Variants in RUNDC3A observed in about 807,000 individuals in gnomAD.
RUNDC3A encodes the protein RUN domain containing 3A.
Under a neutral mutation model 53.9 loss-of-function variants are expected in RUNDC3A, and 28 were observed. That is an observed-to-expected ratio of 0.52 (90% CI 0.38 to 0.71). The LOEUF (loss-of-function observed/expected upper bound fraction) is 0.71, where lower values mean the gene tolerates loss of function less well. Ranked by LOEUF, RUNDC3A falls within the 30% of genes least tolerant of loss-of-function variation. The pLI, the probability that RUNDC3A is intolerant of heterozygous loss-of-function variation, is 0.00. For missense variants in RUNDC3A, 491 were observed against 597.3 expected (o/e 0.82, Z 1.85); for synonymous variants, 232 against 249.4 (o/e 0.93, Z 0.66).
chr17:44,318,149 C>T lies in RUNDC3A; in HGVS notation c.1252C>T (p.Pro418Ser), dbSNP rs2047911638. Reference protein sequence around the residue: ...LGLCGSLASIPSCKSLASFKS... With the variant: ...LGLCGSLASISSCKSLASFKS... Reference sequence around the variant, plus strand: ...CCTCTGCGGCTCCCTGGCCTCCATTCCCAGCTGCAAGTCCCTGGCGAGCTT... The same window carrying T: ...CCTCTGCGGCTCCCTGGCCTCCATTTCCAGCTGCAAGTCCCTGGCGAGCTT... Residue 418 changes from proline to serine, a missense_variant, in exon 11 of 11, where the codon CCC becomes TCC. By Grantham distance (74) the Pro-to-Ser change is moderately conservative (BLOSUM62 -1). Coordinates refer to ENST00000426726, the MANE Select transcript of RUNDC3A (RefSeq NM_001144825.2). 3 of 1,551,460 alleles carry T rather than the reference C, an allele frequency of 1.9e-6. No individual in the cohort carries two copies. The highest frequency in any genetic ancestry group is 2.6e-6 in the Non-Finnish European group (3 of 1,146,996).
At chr17:44,313,812 G>T (rs762778098) in intron 4 of RUNDC3A, 4 of 813,354 alleles carry the variant, frequency 4.9e-6, no homozygotes, top group Non-Finnish European at 6.2e-6. Flanking sequence ...CTCCTGAGTA[G>T]CTGGGATTAC....
Position 44,314,780 on chromosome 17 carries a change from C to A in RUNDC3A, c.504C>A (p.Thr168=), listed in dbSNP as rs2047823120. The A allele has an allele frequency of 4.3e-6, 7 of 1,613,430 alleles. No individual in the cohort carries two copies. In the Admixed American group the frequency reaches 1.2e-4, roughly 27 times the overall value. The stretch of plus-strand genomic sequence containing the variant: ...CCATCATGCTGCGGGATGAAGCCAC[C>A]ATCCTCACCGGAATGCTGATCGGAC... ...SGAIMLRDEA[T]ILTGMLIGLS... Residue 168 remains threonine (T), a synonymous_variant, in exon 5 of 11, where the codon ACC becomes ACA. Coordinates refer to ENST00000426726, the MANE Select transcript of RUNDC3A (RefSeq NM_001144825.2).
intron 4 of RUNDC3A, chr17:44,314,525 G>A: frequency 7.0e-7 from 1 of 1,421,076 alleles, no homozygotes; most frequent in South Asian, 1.6e-5. Context: ...GGGAGGAGTC[G>A]GCTCAGGGAA....
intron 10 of RUNDC3A, 63 bp from the exon 11 acceptor site, chr17:44,318,032 AC>A (rs2047907534): frequency 3.3e-5 from 49 of 1,491,698 alleles, no homozygotes; most frequent in Non-Finnish European, 4.4e-5. Context: ...TTCACTGCCC[AC>A]CCCTCTACCA....
At chr17:44,313,630 A>C in intron 4 of RUNDC3A, 127 bp downstream of exon 4, 2 of 1,369,572 alleles carry the variant, frequency 1.5e-6, no homozygotes, top group Non-Finnish European at 1.9e-6. Flanking sequence ...ACCAGCACAC[A>C]TGGCTGATTT....
chr17:44,311,020 A>T, intron 1 of RUNDC3A: 1 of 985,434 alleles, frequency 1.0e-6, no homozygotes, highest in East Asian at 1.1e-4. Flanking sequence ...TGAGGCAGGT[A>T]CGATTGTTCC....
rs1482843856 is a variant in RUNDC3A, at chr17:44,318,213, G to C, written c.1316G>C (p.Gly439Ala). 1 of 1,551,178 alleles carries C rather than the reference G, an allele frequency of 6.4e-7. No individual in the cohort carries two copies. The highest frequency in any genetic ancestry group is 2.0e-5 in the Admixed American group (1 of 51,002). ...NECLVSDSPEGSPALSPS is the reference protein window; with the variant it reads ...NECLVSDSPEASPALSPS ...TGCCTGGTGAGCGACAGTCCCGAGGGCAGCCCAGCACTGAGCCCCAGCTGA... is the reference window on the plus strand; with the variant it reads ...TGCCTGGTGAGCGACAGTCCCGAGGCCAGCCCAGCACTGAGCCCCAGCTGA... Residue 439 changes from glycine (G) to alanine (A), a missense_variant, in exon 11 of 11, where the codon GGC becomes GCC. Coordinates refer to ENST00000426726, the MANE Select transcript of RUNDC3A (RefSeq NM_001144825.2).
At chr17:44,311,147 C>T in intron 1 of RUNDC3A, 1 of 985,616 alleles carries the variant, frequency 1.0e-6, no homozygotes, top group South Asian at 4.7e-5. Context: ...CAAGACTGAC[C>T]TGGCTCTGAT....
rs546549739 is a variant in RUNDC3A at position 44,314,679 on chromosome 17, G to C, written c.459-56G>C. 2.4e-4 allele frequency: 308 copies of C among 1,308,476 alleles called. 14 individuals are homozygous for C. The highest frequency in any genetic ancestry group is 1.5e-3 in the East Asian group (56 of 37,558). The allele number at this position is 1,308,476 out of a possible 1,614,324, so 81.1% of individuals were successfully genotyped here. On this transcript the variant is annotated intron_variant, in intron 4 of 10. Transcript: ENST00000426726. Reference sequence around the variant, plus strand: ...TAAGCCAACAATAGCAGCTCTGGGGGGGGGGGGGGCGCTCCAGGGGCCTGC... The same window carrying C: ...TAAGCCAACAATAGCAGCTCTGGGGCGGGGGGGGGCGCTCCAGGGGCCTGC...
intron 1 of RUNDC3A, chr17:44,311,518 G>A (rs2047746802): frequency 5.2e-6 from 1 of 191,734 alleles, no homozygotes; most frequent in Non-Finnish European, 9.6e-6. Flanking sequence ...GCATGGGTAA[G>A]GGAATGCATG....
chr17:44,314,687 G>A (rs777844575), intron 4 of RUNDC3A, 48 bp from the exon 5 acceptor site: 6 of 1,134,860 alleles, frequency 5.3e-6, no homozygotes, highest in Admixed American at 2.2e-5. Flanking sequence ...GGGGGGGGGG[G>A]GCGCTCCAGG....
At chr17:44,313,990 C>T (rs2047802665) in intron 4 of RUNDC3A, 1 of 991,944 alleles carries the variant, frequency 1.0e-6, no homozygotes, top group African/African-American at 1.7e-5. Flanking sequence ...CTTTTACCAC[C>T]ACCACCACCA....
intron 10 of RUNDC3A, 26 bp from the exon 11 acceptor site, chr17:44,318,070 T>C: frequency 6.5e-7 from 1 of 1,547,784 alleles, no homozygotes; most frequent in East Asian, 2.5e-5. Flanking sequence ...ACTGGTCGCT[T>C]GGCCTCACCT....
At chr17:44,316,326 A>C in intron 8 of RUNDC3A, 59 bp from the exon 9 acceptor site, 2 of 1,513,032 alleles carry the variant, frequency 1.3e-6, no homozygotes, top group Non-Finnish European at 1.8e-6. Flanking sequence ...CCCTTGCTGA[A>C]TCTCCCTTCC....
chr17:44,313,562 CACAGCTG>C (rs2047792372), intron 4 of RUNDC3A, 59 bp downstream of exon 4: 1 of 1,560,782 alleles, frequency 6.4e-7, no homozygotes, highest in African/African-American at 1.4e-5. Context: ...ATTGCCCAAA[CACAGCTG>C]ATCCTTAAGT....
intron 4 of RUNDC3A, 94 bp from the exon 5 acceptor site, chr17:44,314,641 G>A: frequency 1.3e-6 from 2 of 1,526,548 alleles, no homozygotes. Context: ...CTTCCTTCAG[G>A]ATGGGGTGGC....
rs752658485 is a variant in RUNDC3A at position 44,315,311 on chromosome 17, C to T, written c.786C>T (p.Tyr262=). The T allele has an allele frequency of 1.3e-6, 2 of 1,495,688 alleles. No homozygotes were observed. The highest frequency in any genetic ancestry group is 2.6e-5 in the South Asian group (2 of 76,280). 92.7% of individuals were successfully genotyped at this position (1,495,688 alleles called of 1,614,324 possible). A position where few individuals can be genotyped will look rare whatever the true frequency, so the allele number is the denominator to read the frequency against. The change falls in exon 7 of 11, where the codon TAC becomes TAT. Residue 262 remains tyrosine (Y), a synonymous_variant. Coordinates refer to ENST00000426726, the MANE Select transcript of RUNDC3A (RefSeq NM_001144825.2). The surrounding 1 kb of genome is among the most constrained non-coding windows in gnomAD (Gnocchi z 6.1). ...HKMEQKFRIV[Y]AQKGYLEELV... is the part of the protein sequence containing the mutation. ...TGGAGCAGAAGTTCCGCATCGTCTACGCGCAGAAGGTGCGCGACGCCGGCG... is the reference window on the plus strand; with the variant it reads ...TGGAGCAGAAGTTCCGCATCGTCTATGCGCAGAAGGTGCGCGACGCCGGCG...
chr17:44,316,624 G>C lies in RUNDC3A; in HGVS notation c.1097G>C (p.Ser366Thr). 1.3e-6 allele frequency: 2 copies of C among 1,551,932 alleles called. No individual in the cohort carries two copies. Among genetic ancestry groups the C allele is most frequent in the South Asian group, 1.2e-5 (1 of 84,246 alleles). ...ASNSKLYRRH[S>T]FMSTEPLSAE... is the part of the protein sequence containing the mutation. ...CAGCTCTCGCTCTGCCGCAGACACA[G>C]CTTCATGAGCACGGAGCCGCTGTCA... The change falls in exon 10 of 11, where the codon AGC becomes ACC. Residue 366 changes from serine (S) to threonine (T), a missense_variant. Physicochemically the swap from Ser to Thr is moderately conservative, Grantham distance 58. Transcript: ENST00000426726.
Position 44,308,765 on chromosome 17 carries a change from C to T in RUNDC3A, c.-68C>T, listed in dbSNP as rs2047690101. On this transcript the variant is annotated 5_prime_UTR_variant, in exon 1 of 11. Coordinates refer to ENST00000426726, the MANE Select transcript of RUNDC3A (RefSeq NM_001144825.2). The stretch of plus-strand genomic sequence containing the variant: ...GACAGAGGGCCCAGCCGTGATCCAG[C>T]GACGGGTTTGGGGCTCCGGGAGGGG... The T allele has an allele frequency of 1.9e-6, 2 of 1,069,932 alleles. No individual in the cohort carries two copies. Among genetic ancestry groups the T allele is most frequent in the Non-Finnish European group, 1.3e-6 (1 of 755,100 alleles). The allele number at this position is 1,069,932 out of a possible 1,614,324, so 66.3% of individuals were successfully genotyped here. A position where few individuals can be genotyped will look rare whatever the true frequency, so the allele number is the denominator to read the frequency against.
Sources: allele counts gnomAD v4.1 joint callset, GRCh38; gene constraint gnomAD v4.1.1; non-coding constraint Gnocchi (gnomAD v3.1); transcripts MANE v1.5; gene names NCBI Gene and HGNC (gene_info 2026-07-23, HGNC 2026-07-21).